EVA1C: variants seen among roughly 807,000 people sequenced by gnomAD.
EVA1C encodes eva-1 homolog C.
A neutral mutation model predicts 45.4 loss-of-function variants in EVA1C; 25 were observed. The observed-to-expected ratio is 0.55, with a 90% CI of 0.40 to 0.77. EVA1C has a LOEUF of 0.77. Among genes scored for constraint, EVA1C ranks in the 30% least tolerant of loss-of-function variants. The pLI is 0.00. For missense variants in EVA1C, 479 were observed against 554.8 expected, an observed-to-expected ratio of 0.86 and a Z score of 1.37; for synonymous variants, 190 against 221.2, an observed-to-expected ratio of 0.86 and a Z score of 1.25.
Position 32,501,994 on chromosome 21 carries a change from TTCTTTCTTTCTTTC to T in EVA1C, c.859+501_859+514del, listed in dbSNP as rs1201416855. ...CTCTCTCTCTCGCTCTTTTCTTTCT[TTCTTTCTTTCTTTC>T]TTTCTTTCTTTCTTTCTTTCTTTCT... On this transcript the variant is annotated intron_variant, in intron 6 of 7. Transcript: ENST00000300255. 1.2e-4 allele frequency among the ~76,000 whole-genome samples: 3 copies of T among 26,078 alleles called. No individual in the cohort carries two copies. In the East Asian group the frequency reaches 2.5e-3, roughly 22 times the overall value. The allele number at this position is 26,078 out of a possible 152,430, so 17.1% of individuals were successfully genotyped here.
rs182362014 is a variant in EVA1C at position 32,426,664 on chromosome 21, C to T, written c.160+13651C>T. On this transcript the variant is annotated intron_variant, in intron 1 of 7. Coordinates refer to ENST00000300255, the MANE Select transcript of EVA1C (RefSeq NM_058187.5). The stretch of plus-strand genomic sequence containing the variant: ...GGTCATGGGGCTAAGCATCGTTTTA[C>T]AGCCCACATCGAGAAGGAGGAGTCG... Among the ~76,000 whole-genome samples, 8 of 152,244 alleles carry T rather than the reference C, an allele frequency of 5.3e-5. No homozygotes were observed. The East Asian group carries it at 1.5e-3, about 29-fold the overall frequency.
intron 5 of EVA1C, among the ~76,000 whole-genome samples, chr21:32,500,130 G>A (rs1271154942): frequency 2.0e-5 from 3 of 151,330 alleles, no homozygotes; most frequent in Non-Finnish European, 4.4e-5. Flanking sequence ...GTTTTGAGTT[G>A]GTCACAGTCA....
At chr21:32,472,198 G>A (rs1028225175) in intron 4 of EVA1C, among the ~76,000 whole-genome samples, 4 of 151,862 alleles carry the variant, frequency 2.6e-5, no homozygotes, top group Non-Finnish European at 4.4e-5. Flanking sequence ...TCGCTCTGTC[G>A]CCCACGCTGG....
intron 1 of EVA1C, among the ~76,000 whole-genome samples, chr21:32,427,855 T>TAA (rs35551211): frequency 3.3e-5 from 4 of 122,544 alleles, no homozygotes; most frequent in Non-Finnish European, 3.4e-5. Flanking sequence ...CCATCTCTAT[T>TAA]AAAAAAAAAA....
At chr21:32,446,172 G>A (rs2035358110) in intron 1 of EVA1C, among the ~76,000 whole-genome samples, 1 of 152,162 alleles carries the variant, frequency 6.6e-6, no homozygotes, top group African/African-American at 2.4e-5. Flanking sequence ...GAACCTGGGA[G>A]GCGGAGGTTG....
In EVA1C at chr21:32,452,552, G is replaced by A. The variant is rs1488311174; in HGVS notation, c.161-760G>A. 1 of 152,280 alleles carries A rather than the reference G, an allele frequency of 6.6e-6. No individual in the cohort carries two copies. The highest frequency in any genetic ancestry group is 1.5e-5 in the Non-Finnish European group (1 of 68,072). 9.4% of individuals were successfully genotyped at this position (152,280 alleles called of 1,614,324 possible). A position where few individuals can be genotyped will look rare whatever the true frequency, so the allele number is the denominator to read the frequency against. The stretch of plus-strand genomic sequence containing the variant: ...CAGTTTTGCCATCTGCAGGCGGCTT[G>A]TGTTAATCAGCTCAATTAGACCCTC... On this transcript the variant is annotated intron_variant, in intron 1 of 7. Transcript: ENST00000300255. The surrounding 1 kb of genome is among the most constrained non-coding windows in gnomAD (Gnocchi z 4.0).
At chr21:32,476,025 T>C (rs1004524978) in intron 4 of EVA1C, among the ~76,000 whole-genome samples, 3 of 152,168 alleles carry the variant, frequency 2.0e-5, no homozygotes, top group African/African-American at 7.2e-5. Flanking sequence ...TATAAAATAG[T>C]CCTTCGATGT....
intron 5 of EVA1C, chr21:32,497,216 G>T (rs548427955): frequency 9.8e-6 from 8 of 813,688 alleles, no homozygotes; most frequent in Non-Finnish European, 1.7e-5. Context: ...GGGAAAAACC[G>T]TCCAGCAGAC....
intron 4 of EVA1C, among the ~76,000 whole-genome samples, chr21:32,468,228 G>C (rs1017655118): frequency 1.3e-5 from 2 of 151,902 alleles, no homozygotes; most frequent in African/African-American, 4.8e-5. Flanking sequence ...AATTAGCCAG[G>C]CATGGTGGCG....
chr21:32,492,382 A>G (rs8131151), intron 4 of EVA1C, among the ~76,000 whole-genome samples: 71,533 of 151,766 alleles, frequency 0.47, 18,043 homozygotes, highest in African/African-American at 0.63. Context: ...GGATGGGAGG[A>G]GAGATGCAGG....
chr21:32,481,713 C>G (rs532841538), intron 4 of EVA1C, among the ~76,000 whole-genome samples: 1 of 152,050 alleles, frequency 6.6e-6, no homozygotes. Context: ...AAAGATCATT[C>G]GATACTTTCA....
chr21:32,508,011 A>C (rs1445425053), intron 7 of EVA1C, among the ~76,000 whole-genome samples: 1 of 150,594 alleles, frequency 6.6e-6, no homozygotes. Flanking sequence ...GTGTGTACGC[A>C]TGCATGTGTG....
At chr21:32,489,007 C>A (rs2037068689) in intron 4 of EVA1C, among the ~76,000 whole-genome samples, 1 of 152,208 alleles carries the variant, frequency 6.6e-6, no homozygotes, top group Admixed American at 6.5e-5. Flanking sequence ...TGAATATTAA[C>A]CCCTTATCAG....
intron 1 of EVA1C, among the ~76,000 whole-genome samples, chr21:32,429,138 A>G (rs2034602163): frequency 6.6e-6 from 1 of 151,094 alleles, no homozygotes; most frequent in Non-Finnish European, 1.5e-5. Context: ...ATTCTCCTTC[A>G]CTTAACCTTC....
At chr21:32,507,580 ATG>A (rs748806401) in intron 7 of EVA1C, among the ~76,000 whole-genome samples, 6 of 142,792 alleles carry the variant, frequency 4.2e-5, no homozygotes, top group Admixed American at 6.9e-5. Context: ...GCATGTGTAT[ATG>A]TGTGTGCATG....
chr21:32,459,296 C>T (rs2035909039), intron 3 of EVA1C, among the ~76,000 whole-genome samples: 1 of 152,188 alleles, frequency 6.6e-6, no homozygotes, highest in East Asian at 1.9e-4. Context: ...TCAGAACCGC[C>T]TGAACTCCCT....
intron 1 of EVA1C, among the ~76,000 whole-genome samples, chr21:32,444,723 C>T (rs935618527): frequency 1.3e-5 from 2 of 151,500 alleles, no homozygotes; most frequent in African/African-American, 4.8e-5. Context: ...GGGTTGGGCT[C>T]AAAGTCCCAA....
intron 1 of EVA1C, among the ~76,000 whole-genome samples, chr21:32,430,474 G>T (rs1420256302): frequency 6.6e-6 from 1 of 151,990 alleles, no homozygotes; most frequent in Non-Finnish European, 1.5e-5. Flanking sequence ...GGATGTAAGG[G>T]TTATTGTATT....
chr21:32,416,206 T>TTGTGTG (rs113090077), intron 1 of EVA1C, among the ~76,000 whole-genome samples: 1 of 149,968 alleles, frequency 6.7e-6, no homozygotes, highest in Non-Finnish European at 1.5e-5. Flanking sequence ...ACTTACTGTT[T>TTGTGTG]TGTGTGTGTG....
Sources: allele counts gnomAD v4.1 joint callset (sites outside exome capture counted in the v4.1 genomes callset), GRCh38; gene constraint gnomAD v4.1.1; non-coding constraint Gnocchi (gnomAD v3.1); transcripts MANE v1.5; gene names NCBI Gene and HGNC (gene_info 2026-07-23, HGNC 2026-07-21).